Variants in TNIK observed in about 807,000 individuals in gnomAD.
TNIK encodes the protein TRAF2 and NCK-interacting protein kinase.
Under a neutral mutation model 191.3 loss-of-function variants are expected in TNIK, and 49 were observed. The observed-to-expected ratio is 0.26, with a 90% CI of 0.20 to 0.32. The LOEUF (loss-of-function observed/expected upper bound fraction) is 0.32. TNIK is among the 10% of genes least tolerant of loss of function. The pLI, the probability that TNIK is intolerant of heterozygous loss-of-function variation, is 1.00. For synonymous variants in TNIK, 594 were observed against 600.9 expected (o/e 0.99, Z 0.17); for missense variants, 1,155 against 1,702.3 (o/e 0.68, Z 5.66).
At chr3:171,241,711 G>A (rs1745009408) in intron 2 of TNIK, among the ~76,000 whole-genome samples, 1 of 152,124 alleles carries the variant, frequency 6.6e-6, no homozygotes, top group Admixed American at 6.5e-5. Context: ...TACCTTACAG[G>A]TAGCAGTTAA....
intron 2 of TNIK, among the ~76,000 whole-genome samples, chr3:171,367,500 C>T (rs191105077): frequency 8.0e-4 from 122 of 151,986 alleles, no homozygotes; most frequent in Admixed American, 5.6e-3. Flanking sequence ...GACAGAGTCC[C>T]ACTCTCTCGC....
intron 7 of TNIK, among the ~76,000 whole-genome samples, chr3:171,185,940 A>G (rs1244525177): frequency 6.6e-6 from 1 of 152,196 alleles, no homozygotes; most frequent in African/African-American, 2.4e-5. Context: ...GAAAGTGGCT[A>G]TAGCACATGA....
intron 2 of TNIK, among the ~76,000 whole-genome samples, chr3:171,286,003 T>A (rs1750967747): frequency 2.0e-5 from 3 of 152,266 alleles, no homozygotes; most frequent in African/African-American, 7.2e-5. Flanking sequence ...TACAGCCTTA[T>A]CCTATCTTAG....
Position 171,188,982 on chromosome 3 carries a change from A to G in TNIK, c.509-150T>C, listed in dbSNP as rs374522707. ...TCAAATGTACATTTCTGGGGCACTAAGCACATCCACACTGTTGTGCAACCT... is the reference window on the plus strand; with the variant it reads ...TCAAATGTACATTTCTGGGGCACTAGGCACATCCACACTGTTGTGCAACCT... On this transcript the variant is annotated intron_variant, in intron 6 of 32. Transcript: ENST00000436636. The G allele has an allele frequency of 6.4e-6, 6 of 942,740 alleles. No homozygotes were observed. In the African/African-American group the frequency reaches 9.9e-5, roughly 16 times the overall value. 58.4% of individuals were successfully genotyped at this position (942,740 alleles called of 1,614,324 possible). A position where few individuals can be genotyped will look rare whatever the true frequency, so the allele number is the denominator to read the frequency against.
rs1469452319 is a variant in TNIK, at chr3:171,062,282, AACT to A, written c.*1596_*1598del. The A allele has an allele frequency of 2.6e-5, 4 of 152,132 alleles. No homozygotes were observed. Among genetic ancestry groups the A allele is most frequent in the African/African-American group, 9.7e-5 (4 of 41,420 alleles). 9.4% of individuals were successfully genotyped at this position (152,132 alleles called of 1,614,324 possible). Reference sequence around the variant, plus strand: ...ATTTTTTAAGAAGAAAAATTTGGTCAACTACTGTTTCGTTTTAAAAATGTTAAA... The same window carrying A: ...ATTTTTTAAGAAGAAAAATTTGGTCAACTGTTTCGTTTTAAAAATGTTAAA... On this transcript the variant is annotated 3_prime_UTR_variant, in exon 33 of 33. Transcript: ENST00000436636.
At chr3:171,433,937 C>CTTTTTTTTTTTTTTTT (rs67036993) in intron 1 of TNIK, among the ~76,000 whole-genome samples, 1 of 71,116 alleles carries the variant, frequency 1.4e-5, no homozygotes, top group Non-Finnish European at 2.5e-5. Flanking sequence ...TTTCTTTTTC[C>CTTTTTTTTTTTTTTTT]TTTTTTTTTT....
chr3:171,375,452 CT>C (rs1717081663), intron 1 of TNIK, among the ~76,000 whole-genome samples: 1 of 152,278 alleles, frequency 6.6e-6, no homozygotes, highest in African/African-American at 2.4e-5. Flanking sequence ...ATGTATGTCT[CT>C]TTAAAAATTA....
chr3:171,324,283 C>T (rs1199743498), intron 2 of TNIK, among the ~76,000 whole-genome samples: 1 of 152,158 alleles, frequency 6.6e-6, no homozygotes, highest in Non-Finnish European at 1.5e-5. Flanking sequence ...TAACTGAACT[C>T]TGTGAGGACA....
At chr3:171,450,662 T>G (rs531940081) in intron 1 of TNIK, among the ~76,000 whole-genome samples, 1 of 152,334 alleles carries the variant, frequency 6.6e-6, no homozygotes, top group East Asian at 1.9e-4. Flanking sequence ...AGCCTTAACA[T>G]GGTTTTATGG....
rs113317697 is a variant in TNIK, at chr3:171,186,735, T to C, written c.639+1967A>G. Among the ~76,000 whole-genome samples the C allele has an allele frequency of 5.3e-3, 803 of 152,328 alleles. 6 individuals carry two copies. Among genetic ancestry groups the C allele is most frequent in the Admixed American group, 0.013 (206 of 15,304 alleles). On this transcript the variant is annotated intron_variant, in intron 7 of 32. Coordinates refer to ENST00000436636, the MANE Select transcript of TNIK (RefSeq NM_015028.4). ...ATCTTTTTAATGTCTCAGGATACTT[T>C]TATAGCCAGGTGAGCCTTCCAGTAC... is the stretch of plus-strand genomic sequence containing the variant.
chr3:171,442,610 G>C (rs1726962164), intron 1 of TNIK, among the ~76,000 whole-genome samples: 1 of 152,148 alleles, frequency 6.6e-6, no homozygotes, highest in Non-Finnish European at 1.5e-5. Flanking sequence ...TCTTCATAGA[G>C]AGGCTTCCTC....
At position 171,222,302 on chromosome 3, in the gene TNIK, A is replaced by G. The variant is rs190691825; in HGVS notation, c.180+5863T>C. Among the ~76,000 whole-genome samples, 31 of 152,248 alleles carry G rather than the reference A, an allele frequency of 2.0e-4. No individual in the cohort carries two copies. The East Asian group carries it at 3.9e-3, about 19-fold the overall frequency. ...CATTTACTATCCATGAGGCTTGGGC[A>G]AGTTTCTTGGGCTCTCTGCTGTCAA... is the stretch of plus-strand genomic sequence containing the variant. On this transcript the variant is annotated intron_variant, in intron 3 of 32. Transcript: ENST00000436636.
At chr3:171,149,318 C>G (rs961020892) in intron 12 of TNIK, among the ~76,000 whole-genome samples, 1 of 152,226 alleles carries the variant, frequency 6.6e-6, no homozygotes, top group Non-Finnish European at 1.5e-5. Context: ...GGATCAGCAA[C>G]TGCCTAACTC....
intron 4 of TNIK, among the ~76,000 whole-genome samples, chr3:171,202,789 A>G (rs1739577861): frequency 1.3e-5 from 2 of 152,194 alleles, no homozygotes. Context: ...TAGGTCTTGC[A>G]ATGTGGCAGC....
At chr3:171,214,687 T>A (rs1741250824) in intron 3 of TNIK, among the ~76,000 whole-genome samples, 1 of 152,146 alleles carries the variant, frequency 6.6e-6, no homozygotes, top group South Asian at 2.1e-4. Context: ...CCAAGTCCGG[T>A]ACTCTAGGAA....
At chr3:171,421,980 T>A (rs1723862429) in intron 1 of TNIK, among the ~76,000 whole-genome samples, 1 of 152,102 alleles carries the variant, frequency 6.6e-6, no homozygotes, top group African/African-American at 2.4e-5. Flanking sequence ...TCTGCCCGCC[T>A]TGGCCTCCCA....
chr3:171,350,575 C>G (rs1038884), intron 2 of TNIK, among the ~76,000 whole-genome samples: 97,793 of 136,126 alleles, frequency 0.72, 34,538 homozygotes, highest in East Asian at 0.98. Context: ...TTCCATATAA[C>G]AAGTTTAAAG....
chr3:171,419,934 G>A (rs1052697800), intron 1 of TNIK, among the ~76,000 whole-genome samples: 5 of 152,168 alleles, frequency 3.3e-5, no homozygotes, highest in Non-Finnish European at 5.9e-5. Context: ...AACAGAGTCA[G>A]TGCCACTTAC....
rs950570298 is a variant in TNIK, at chr3:171,282,349, T to G, written c.124-54128A>C. Among the ~76,000 whole-genome samples the G allele has an allele frequency of 9.6e-5, 14 of 145,358 alleles. 1 individual carries two copies. The East Asian group carries it at 1.2e-3, about 12-fold the overall frequency. ...TCTCTTAATGGTTTTTTGTTTTTTT[T>G]TTTTTTTTTGAGATGGAGTTTCGCT... On this transcript the variant is annotated intron_variant, in intron 2 of 32. Transcript: ENST00000436636.
Sources: allele counts gnomAD v4.1 joint callset (sites outside exome capture counted in the v4.1 genomes callset), GRCh38; gene constraint gnomAD v4.1.1; transcripts MANE v1.5; gene names NCBI Gene and HGNC (gene_info 2026-07-23, HGNC 2026-07-21).